Variants in CSMD1 observed in about 807,000 individuals in gnomAD.
CSMD1 encodes CUB and Sushi multiple domains 1.
In CSMD1, 213 loss-of-function variants were observed where a neutral mutation model predicts 417.5. The observed-to-expected ratio is 0.51, with a 90% CI of 0.46 to 0.57. The LOEUF (loss-of-function observed/expected upper bound fraction) is 0.57. Ranked by LOEUF, CSMD1 falls within the 20% of genes least tolerant of loss-of-function variation. The pLI is 0.00. For missense variants in CSMD1, 6,923 were observed against 4,529.7 expected (o/e 1.53, Z -15.17); for synonymous variants, 2,862 against 1,736.8 (o/e 1.65, Z -16.11).
intron 46 of CSMD1, among the ~76,000 whole-genome samples, chr8:3,101,589 A>AT (rs1324932352): frequency 2.0e-5 from 3 of 150,300 alleles, no homozygotes; most frequent in Admixed American, 6.6e-5. Flanking sequence ...TGCCTGGCTA[A>AT]TTTTTTTTTG....
At chr8:3,789,773 G>A (rs569385519) in intron 5 of CSMD1, among the ~76,000 whole-genome samples, 82 of 133,654 alleles carry the variant, frequency 6.1e-4, no homozygotes, top group South Asian at 4.4e-3. Flanking sequence ...CTCTGTCTCC[G>A]AGGCTGGAGT....
chr8:4,186,038 C>G (rs1247661879), intron 3 of CSMD1, among the ~76,000 whole-genome samples: 1 of 152,140 alleles, frequency 6.6e-6, no homozygotes, highest in Non-Finnish European at 1.5e-5. Context: ...GTACATAGTG[C>G]CTGGGTGGGC....
intron 5 of CSMD1, among the ~76,000 whole-genome samples, chr8:3,948,114 G>T (rs778389455): frequency 1.4e-4 from 22 of 152,100 alleles, no homozygotes; most frequent in Non-Finnish European, 2.9e-4. Context: ...GATGAGGCAG[G>T]ATAACTGCTT....
intron 10 of CSMD1, among the ~76,000 whole-genome samples, chr8:3,568,707 G>A (rs538105291): frequency 6.6e-6 from 1 of 152,060 alleles, no homozygotes; most frequent in East Asian, 1.9e-4. Context: ...ATATAGGTGT[G>A]TGTGTTTATC....
At chr8:4,161,049 G>T (rs566926889) in intron 3 of CSMD1, among the ~76,000 whole-genome samples, 1 of 151,772 alleles carries the variant, frequency 6.6e-6, no homozygotes, top group South Asian at 2.1e-4. Flanking sequence ...CTTAAAAACT[G>T]AGCAGTCCCA....
Position 3,751,841 on chromosome 8 carries a change from A to G in CSMD1, c.931+2089T>C, listed in dbSNP as rs531604098. Among the ~76,000 whole-genome samples, 15 of 152,286 alleles carry G rather than the reference A, an allele frequency of 9.8e-5. No homozygotes were observed. In the South Asian group the frequency reaches 2.7e-3, roughly 27 times the overall value. On this transcript the variant is annotated intron_variant, in intron 6 of 69. Coordinates refer to ENST00000635120, the MANE Select transcript of CSMD1 (RefSeq NM_033225.6). ...ACGCTTAGAAATTTTTCTTTAATTC[A>G]CTGTTGTTCAGTTACTGAGAGCTCT...
At chr8:4,848,500 C>T (rs558852642) in intron 1 of CSMD1, among the ~76,000 whole-genome samples, 1 of 151,498 alleles carries the variant, frequency 6.6e-6, no homozygotes, top group East Asian at 1.9e-4. Context: ...TGCTGCCAGT[C>T]ATTAAAAGTC....
chr8:3,738,641 A>G (rs567025016), intron 6 of CSMD1, among the ~76,000 whole-genome samples: 1 of 152,192 alleles, frequency 6.6e-6, no homozygotes, highest in Non-Finnish European at 1.5e-5. Context: ...AAGAGAAGAC[A>G]TGCCTTAGAC....
At chr8:3,271,286 C>G (rs112987194) in intron 26 of CSMD1, among the ~76,000 whole-genome samples, 3 of 151,496 alleles carry the variant, frequency 2.0e-5, no homozygotes, top group African/African-American at 7.3e-5. Context: ...GCATAGTATT[C>G]CATGGTGTAT....
At chr8:3,218,226 G>A (rs968626457) in intron 29 of CSMD1, among the ~76,000 whole-genome samples, 3 of 152,170 alleles carry the variant, frequency 2.0e-5, no homozygotes, top group Non-Finnish European at 4.4e-5. Flanking sequence ...GACTGAGGCA[G>A]GGAAGGGTAC....
intron 1 of CSMD1, among the ~76,000 whole-genome samples, chr8:4,991,697 G>A (rs533788948): frequency 8.3e-4 from 126 of 152,238 alleles, no homozygotes; most frequent in African/African-American, 2.9e-3. Context: ...CGCCCCCGGG[G>A]GGAGGCCCGA....
At chr8:3,626,495 C>G (rs562228485) in intron 7 of CSMD1, among the ~76,000 whole-genome samples, 49 of 152,070 alleles carry the variant, frequency 3.2e-4, no homozygotes, top group African/African-American at 1.1e-3. Flanking sequence ...ATTTTAGAAA[C>G]ATATATAGTT....
intron 38 of CSMD1, among the ~76,000 whole-genome samples, chr8:3,159,759 G>GC (rs1819766424): frequency 6.6e-6 from 1 of 152,176 alleles, no homozygotes; most frequent in Non-Finnish European, 1.5e-5. Flanking sequence ...CGGTCTGCTG[G>GC]GACTGTGCAG....
At chr8:3,695,116 G>GTGTGTGTGTGTGTGTGT (rs61279256) in intron 7 of CSMD1, among the ~76,000 whole-genome samples, 27 of 150,856 alleles carry the variant, frequency 1.8e-4, no homozygotes, top group Non-Finnish European at 2.2e-4. Context: ...GTGTGTGTGT[G>GTGTGTGTGTGTGTGTGT]GTTATTGAAG....
In CSMD1 at chr8:3,520,714, G is replaced by T. The variant is rs79930770; in HGVS notation, c.1345-26988C>A. ...TTTTCTACCTTCTGCTTGTTGCATG[G>T]CTGCCCACCTTTTTTTGTGTGTATA... is the stretch of plus-strand genomic sequence containing the variant. On this transcript the variant is annotated intron_variant, in intron 10 of 69. Coordinates refer to ENST00000635120, the MANE Select transcript of CSMD1 (RefSeq NM_033225.6). Among the ~76,000 whole-genome samples the T allele has an allele frequency of 8.6e-3, 1,301 of 151,802 alleles. 19 individuals are homozygous for T. Among genetic ancestry groups the T allele is most frequent in the African/African-American group, 0.03 (1,240 of 41,372 alleles).
chr8:4,756,182 G>A (rs1811656746), intron 1 of CSMD1, among the ~76,000 whole-genome samples: 1 of 152,084 alleles, frequency 6.6e-6, no homozygotes, highest in Non-Finnish European at 1.5e-5. Flanking sequence ...ACACATTTCT[G>A]GAAAACTGTT....
At chr8:3,498,631 A>C (rs949488084) in intron 10 of CSMD1, among the ~76,000 whole-genome samples, 1 of 152,160 alleles carries the variant, frequency 6.6e-6, no homozygotes, top group Non-Finnish European at 1.5e-5. Flanking sequence ...GAACTCCCAT[A>C]ATGGGAATAT....
intron 9 of CSMD1, among the ~76,000 whole-genome samples, chr8:3,575,755 G>A (rs1214735002): frequency 1.3e-5 from 2 of 151,662 alleles, no homozygotes; most frequent in East Asian, 3.9e-4. Context: ...ATGAAAGACT[G>A]AGTGAAGCAT....
At chr8:4,292,567 A>G (rs1233546103) in intron 3 of CSMD1, among the ~76,000 whole-genome samples, 1 of 152,104 alleles carries the variant, frequency 6.6e-6, no homozygotes, top group Non-Finnish European at 1.5e-5. Flanking sequence ...GAATTTTTTA[A>G]CTGAATGGAA....
Sources: allele counts gnomAD v4.1 joint callset (sites outside exome capture counted in the v4.1 genomes callset), GRCh38; gene constraint gnomAD v4.1.1; transcripts MANE v1.5; gene names NCBI Gene and HGNC (gene_info 2026-07-23, HGNC 2026-07-21).